The following LRP1B variants were observed in gnomAD, a reference collection of about 807,000 sequenced individuals.
The protein encoded by LRP1B is LDL receptor related protein 1B.
LRP1B carries 217 observed loss-of-function variants against 556.6 expected under a neutral mutation model. The ratio of observed to expected loss-of-function variants is 0.39; its 90% CI spans 0.35 to 0.44. The LOEUF (loss-of-function observed/expected upper bound fraction) is 0.44, where lower values mean the gene tolerates loss of function less well. Ranked by LOEUF, LRP1B falls within the 20% of genes least tolerant of loss-of-function variation. LRP1B has a pLI of 1.00. For synonymous variants in LRP1B, 2,047 were observed against 1,865.8 expected, an observed-to-expected ratio of 1.10 and a Z score of -2.50; for missense variants, 5,053 against 5,620.8, an observed-to-expected ratio of 0.90 and a Z score of 3.23.
At chr2:140,335,172 A>G (rs959867803) in intron 78 of LRP1B, among the ~76,000 whole-genome samples, 1 of 145,590 alleles carries the variant, frequency 6.9e-6, no homozygotes, top group Admixed American at 6.9e-5. Context: ...CACTCTTTAA[A>G]TTTGTGTGTG....
chr2:141,959,180 G>A (rs1433723510), intron 1 of LRP1B, among the ~76,000 whole-genome samples: 2 of 151,922 alleles, frequency 1.3e-5, no homozygotes, highest in African/African-American at 4.8e-5. Context: ...CATAGCTCTT[G>A]TTTAGGATAG....
intron 45 of LRP1B, among the ~76,000 whole-genome samples, chr2:140,540,478 T>C (rs975291925): frequency 1.3e-5 from 2 of 152,110 alleles, no homozygotes; most frequent in Admixed American, 6.6e-5. Flanking sequence ...ATAAACACCA[T>C]GCAAGGCTGC....
intron 59 of LRP1B, among the ~76,000 whole-genome samples, chr2:140,477,341 C>T (rs773850814): frequency 7.9e-5 from 12 of 151,906 alleles, no homozygotes; most frequent in African/African-American, 2.2e-4. Flanking sequence ...CTTCTATATA[C>T]CATGTTATGT....
At chr2:141,519,393 A>ATATATATATATG (rs1684452014) in intron 2 of LRP1B, among the ~76,000 whole-genome samples, 4 of 20,662 alleles carry the variant, frequency 1.9e-4, no homozygotes. Flanking sequence ...ATATATATAT[A>ATATATATATATG]TATATATATG....
rs115992406 is a variant in LRP1B, at chr2:141,863,767, A to C, written c.83-53366T>G. On this transcript the variant is annotated intron_variant, in intron 1 of 90. Transcript: ENST00000389484. ...TTGCTACTTGTTGAGCTATAAATCA[A>C]ACTTAAACCTATTTGATTCATTGTC... 5.4e-3 allele frequency among the ~76,000 whole-genome samples: 824 copies of C among 152,250 alleles called. 9 individuals carry two copies. Among genetic ancestry groups the C allele is most frequent in the African/African-American group, 0.019 (800 of 41,544 alleles).
At chr2:140,890,048 C>G (rs1693752424) in intron 23 of LRP1B, among the ~76,000 whole-genome samples, 1 of 151,606 alleles carries the variant, frequency 6.6e-6, no homozygotes, top group Non-Finnish European at 1.5e-5. Flanking sequence ...TGTAATCTTT[C>G]TATGGAGTAG....
intron 21 of LRP1B, among the ~76,000 whole-genome samples, chr2:140,912,996 T>C (rs1694467885): frequency 6.6e-6 from 1 of 151,616 alleles, no homozygotes; most frequent in Non-Finnish European, 1.5e-5. Context: ...ATTTCTGTTC[T>C]GGGATATGAC....
Position 140,451,566 on chromosome 2 carries a change from A to T in LRP1B, c.9964-905T>A, listed in dbSNP as rs372400752. 4.4e-4 allele frequency among the ~76,000 whole-genome samples: 67 copies of T among 152,306 alleles called. 1 individual carries two copies. Among genetic ancestry groups the T allele is most frequent in the South Asian group, 8.3e-4 (4 of 4,830 alleles). Reference sequence around the variant, plus strand: ...TCTTTTCCAGCTCTGTCATGCTGTGATTCCATAAAGATTCCTGAACACTGA... The same window carrying T: ...TCTTTTCCAGCTCTGTCATGCTGTGTTTCCATAAAGATTCCTGAACACTGA... On this transcript the variant is annotated intron_variant, in intron 62 of 90. Coordinates refer to ENST00000389484, the MANE Select transcript of LRP1B (RefSeq NM_018557.3).
At chr2:141,033,419 T>C (rs1319416517) in intron 11 of LRP1B, among the ~76,000 whole-genome samples, 2 of 152,030 alleles carry the variant, frequency 1.3e-5, no homozygotes, top group Non-Finnish European at 2.9e-5. Flanking sequence ...CTCAGGCTGT[T>C]GTGCTGAGAA....
intron 7 of LRP1B, among the ~76,000 whole-genome samples, chr2:141,151,128 C>T (rs1297841346): frequency 6.6e-6 from 1 of 152,048 alleles, no homozygotes; most frequent in African/African-American, 2.4e-5. Context: ...TTCAAATTAT[C>T]CATGCCTTAA....
Position 140,378,278 on chromosome 2 carries a change from T to C in LRP1B, c.10540A>G (p.Thr3514Ala), listed in dbSNP as rs1683322452. ...NSDEENCKPQ[T>A]CTLKDFLCAN... ...CAGAGGAAATCTTTCAATGTACATG[T>C]CTGTGGCTCTGGGGATAAAAAAACA... Residue 3514 changes from threonine to alanine, a missense_variant, in exon 68 of 91, where the codon ACA becomes GCA. Transcript: ENST00000389484. 1.3e-6 allele frequency: 2 copies of C among 1,597,856 alleles called. No homozygotes were observed. Among genetic ancestry groups the C allele is most frequent in the Admixed American group, 1.7e-5 (1 of 59,804 alleles).
intron 1 of LRP1B, among the ~76,000 whole-genome samples, chr2:141,978,931 CAT>C (rs1701967057): frequency 6.6e-6 from 1 of 151,716 alleles, no homozygotes; most frequent in African/African-American, 2.4e-5. Context: ...GAGAATAAGA[CAT>C]TTTTTTTTCT....
At chr2:141,344,442 G>A (rs1019071440) in intron 3 of LRP1B, among the ~76,000 whole-genome samples, 11 of 152,066 alleles carry the variant, frequency 7.2e-5, no homozygotes, top group Non-Finnish European at 1.3e-4. Context: ...GGCCTTTGGC[G>A]TAGGTGTTTT....
chr2:141,832,677 G>A (rs1372054797), intron 1 of LRP1B, among the ~76,000 whole-genome samples: 3 of 151,688 alleles, frequency 2.0e-5, no homozygotes, highest in African/African-American at 7.3e-5. Flanking sequence ...CTTATTGGAT[G>A]TAAATAATAA....
At chr2:141,108,329 TG>T in intron 7 of LRP1B, among the ~76,000 whole-genome samples, 3 of 139,388 alleles carry the variant, frequency 2.2e-5, no homozygotes, top group African/African-American at 5.2e-5. Flanking sequence ...GTTTATAATC[TG>T]TTTCTTTTTT....
chr2:140,916,284 A>T (rs1388575258), intron 21 of LRP1B, among the ~76,000 whole-genome samples: 1 of 152,174 alleles, frequency 6.6e-6, no homozygotes, highest in Non-Finnish European at 1.5e-5. Flanking sequence ...CCATTATAGG[A>T]TATTTTTGGT....
At chr2:141,057,386 T>A (rs1048840339) in intron 9 of LRP1B, among the ~76,000 whole-genome samples, 1 of 151,852 alleles carries the variant, frequency 6.6e-6, no homozygotes, top group African/African-American at 2.4e-5. Context: ...AGTCTAGACA[T>A]GTTCTCTCCT....
intron 2 of LRP1B, among the ~76,000 whole-genome samples, chr2:141,614,080 C>CAAAAAAAAAAAAAA (rs550183140): frequency 1.1e-3 from 52 of 47,264 alleles, no homozygotes; most frequent in African/African-American, 2.1e-3. Flanking sequence ...AACTCAGCCT[C>CAAAAAAAAAAAAAA]AAAAAAAAAA....
intron 1 of LRP1B, among the ~76,000 whole-genome samples, chr2:141,973,316 TG>T (rs1701797153): frequency 6.6e-6 from 1 of 151,760 alleles, no homozygotes; most frequent in Admixed American, 6.6e-5. Flanking sequence ...GAAACTTTTT[TG>T]TTTGGGTACT....
Sources: allele counts gnomAD v4.1 joint callset (sites outside exome capture counted in the v4.1 genomes callset), GRCh38; gene constraint gnomAD v4.1.1; transcripts MANE v1.5; gene names NCBI Gene and HGNC (gene_info 2026-07-23, HGNC 2026-07-21).